CUX1: variants seen among roughly 807,000 people sequenced by gnomAD.
The protein encoded by CUX1 is protein CASP.
In CUX1, 31 loss-of-function variants were observed where a neutral mutation model predicts 158.8. That is an observed-to-expected ratio of 0.20 (90% confidence interval 0.15 to 0.26). The LOEUF (loss-of-function observed/expected upper bound fraction) is 0.26. Ranked by LOEUF, CUX1 falls within the 10% of genes least tolerant of loss-of-function variation. CUX1 has a pLI of 1.00. For missense variants in CUX1, 1,589 were observed against 2,014.6 expected (o/e 0.79, Z 4.04); for synonymous variants, 879 against 862.1 (o/e 1.02, Z -0.34).
chr7:102,104,254 C>T (rs1246495652), intron 5 of CUX1, 82 bp from the exon 6 acceptor site: 3 of 1,360,784 alleles, frequency 2.2e-6, no homozygotes, highest in African/African-American at 2.9e-5. Flanking sequence ...CCGATCCTAC[C>T]AGGTTATGAG....
chr7:101,833,643 T>A (rs1462986224), intron 1 of CUX1, among the ~76,000 whole-genome samples: 2 of 132,638 alleles, frequency 1.5e-5, no homozygotes, highest in African/African-American at 5.7e-5. Context: ...CCTCGGGGCG[T>A]GGGAGAGCAG....
intron 20 of CUX1, among the ~76,000 whole-genome samples, chr7:102,211,471 A>G (rs1240990425): frequency 6.7e-6 from 1 of 149,878 alleles, no homozygotes; most frequent in Non-Finnish European, 1.5e-5. Context: ...TACCTCTTCA[A>G]TTGGAGACAT....
intron 4 of CUX1, among the ~76,000 whole-genome samples, chr7:102,090,716 G>A (rs1287127543): frequency 1.4e-5 from 2 of 145,366 alleles, no homozygotes; most frequent in African/African-American, 5.1e-5. Flanking sequence ...TAGCTTTTCA[G>A]AAGATCCTGC....
chr7:102,199,996 A>C, intron 16 of CUX1, 75 bp from the exon 17 acceptor site: 1 of 1,284,980 alleles, frequency 7.8e-7, no homozygotes, highest in Non-Finnish European at 1.1e-6. Context: ...TATATATCAG[A>C]ATGACGTCTT....
chr7:102,257,261 A>C lies in CUX1; in HGVS notation c.*8219A>C. 1.0e-6 allele frequency: 1 copy of C among 985,002 alleles called. No individual in the cohort carries two copies. The highest frequency in any genetic ancestry group is 1.1e-4 in the East Asian group (1 of 8,818). The allele number at this position is 985,002 out of a possible 1,614,324, so 61.0% of individuals were successfully genotyped here. A position where few individuals can be genotyped will look rare whatever the true frequency, so the allele number is the denominator to read the frequency against. ...GGGCCCTGATTTTGTTCTCTCTTTG[A>C]AAGAAACCCTCCACCGAAACAATGG... is the stretch of plus-strand genomic sequence containing the variant. On this transcript the variant is annotated 3_prime_UTR_variant, in exon 24 of 24. Transcript: ENST00000292535.
chr7:101,940,925 TCA>T (rs1037948633), intron 2 of CUX1, among the ~76,000 whole-genome samples: 1 of 152,128 alleles, frequency 6.6e-6, no homozygotes, highest in Non-Finnish European at 1.5e-5. Context: ...TTGCTCAGAG[TCA>T]CACAGCAATC....
chr7:102,134,056 C>T (rs1833630861), intron 8 of CUX1, among the ~76,000 whole-genome samples: 1 of 152,180 alleles, frequency 6.6e-6, no homozygotes, highest in African/African-American at 2.4e-5. Flanking sequence ...AAAGATTGTC[C>T]TGGCGCGCTG....
At chr7:101,863,560 AG>A in intron 1 of CUX1, among the ~76,000 whole-genome samples, 1 of 152,336 alleles carries the variant, frequency 6.6e-6, no homozygotes, top group Admixed American at 6.5e-5. Context: ...CATGTTGGCC[AG>A]GCTTGTCTCA....
In CUX1 at chr7:101,869,209, G is replaced by A. The variant is rs1225556778; in HGVS notation, c.31-46906G>A. 6.6e-6 allele frequency among the ~76,000 whole-genome samples: 1 copy of A among 152,164 alleles called. No individual in the cohort carries two copies. Reference sequence around the variant, plus strand: ...AGACCAGGATGAGCCCCATGTGCGCGTGACCTGTGGCAGAGGGGCTGTGTC... The same window carrying A: ...AGACCAGGATGAGCCCCATGTGCGCATGACCTGTGGCAGAGGGGCTGTGTC... On this transcript the variant is annotated intron_variant, in intron 1 of 23. Coordinates refer to ENST00000292535, the MANE Select transcript of CUX1 (RefSeq NM_181552.4). The surrounding 1 kb of genome is among the most constrained non-coding windows in gnomAD (Gnocchi z 4.5).
At chr7:102,187,354 CAA>C (rs1164267499) in intron 11 of CUX1, among the ~76,000 whole-genome samples, 1 of 151,796 alleles carries the variant, frequency 6.6e-6, no homozygotes, top group African/African-American at 2.4e-5. Context: ...AAAAAAAAAA[CAA>C]AGAGTCCCAC....
At chr7:102,216,685 C>CG (rs1797204930) in intron 20 of CUX1, among the ~76,000 whole-genome samples, 1 of 30,478 alleles carries the variant, frequency 3.3e-5, no homozygotes, top group Admixed American at 4.6e-4. Context: ...ACACACACTC[C>CG]CCCACACACA....
At chr7:101,975,264 A>G (rs559039089) in intron 2 of CUX1, among the ~76,000 whole-genome samples, 18 of 151,244 alleles carry the variant, frequency 1.2e-4, no homozygotes, top group African/African-American at 2.4e-4. Context: ...AGGAAAAAAA[A>G]AGAGAGAGAG....
chr7:102,158,549 C>T lies in CUX1; in HGVS notation c.675-11C>T. The T allele has an allele frequency of 1.2e-6, 2 of 1,613,994 alleles. No individual in the cohort carries two copies. Among genetic ancestry groups the T allele is most frequent in the Non-Finnish European group, 1.7e-6 (2 of 1,179,940 alleles). ...TGTGACTAACCTGCTCTCTCCCTCTCACCCTCCTAGGGCCGACGAGATTGA... is the reference window on the plus strand; with the variant it reads ...TGTGACTAACCTGCTCTCTCCCTCTTACCCTCCTAGGGCCGACGAGATTGA... On this transcript the variant is annotated splice_polypyrimidine_tract_variant and intron_variant, in intron 8 of 23. Coordinates refer to ENST00000292535, the MANE Select transcript of CUX1 (RefSeq NM_181552.4).
chr7:101,898,684 G>A (rs538269399), intron 1 of CUX1, among the ~76,000 whole-genome samples: 5 of 148,208 alleles, frequency 3.4e-5, no homozygotes, highest in African/African-American at 1.2e-4. Context: ...TCCGCCTCCC[G>A]GGTTCAAGTG....
At chr7:101,983,529 C>A (rs117334200) in intron 2 of CUX1, among the ~76,000 whole-genome samples, 2,056 of 152,236 alleles carry the variant, frequency 0.014, 21 homozygotes, top group Non-Finnish European at 0.022. Context: ...AAGAAATACC[C>A]GAGGCTGAGT....
At chr7:102,066,743 G>A (rs940107910) in intron 3 of CUX1, among the ~76,000 whole-genome samples, 1 of 152,270 alleles carries the variant, frequency 6.6e-6, no homozygotes, top group East Asian at 1.9e-4. Flanking sequence ...AGAGCCCCAG[G>A]TTGCGTTCCA....
chr7:102,156,609 G>T (rs1789788516), intron 8 of CUX1, among the ~76,000 whole-genome samples: 1 of 152,172 alleles, frequency 6.6e-6, no homozygotes, highest in Non-Finnish European at 1.5e-5. Context: ...TCAAATTTCA[G>T]TAGCAGTTTT....
intron 2 of CUX1, among the ~76,000 whole-genome samples, chr7:101,944,760 C>T (rs1808174469): frequency 6.6e-6 from 1 of 152,134 alleles, no homozygotes; most frequent in African/African-American, 2.4e-5. Context: ...GCTTTTCCTC[C>T]TGGAGGATGC....
intron 5 of CUX1, among the ~76,000 whole-genome samples, chr7:102,098,421 C>T (rs934642893): frequency 2.6e-5 from 4 of 152,034 alleles, no homozygotes; most frequent in African/African-American, 4.8e-5. Flanking sequence ...AGACCAGCCT[C>T]GGAAACGTAG....
Sources: allele counts gnomAD v4.1 joint callset (sites outside exome capture counted in the v4.1 genomes callset), GRCh38; gene constraint gnomAD v4.1.1; non-coding constraint Gnocchi (gnomAD v3.1); transcripts MANE v1.5; gene names NCBI Gene and HGNC (gene_info 2026-07-23, HGNC 2026-07-21).